The following HMCN1 variants were observed in gnomAD, a reference collection of about 807,000 sequenced individuals.
The protein encoded by HMCN1 is hemicentin 1.
HMCN1 carries 321 observed loss-of-function variants against 625.9 expected under a neutral mutation model. That is an observed-to-expected ratio of 0.51 (90% CI 0.47 to 0.56). The LOEUF is 0.56. Ranked by LOEUF, HMCN1 falls within the 20% of genes least tolerant of loss-of-function variation. The probability of loss-of-function intolerance (pLI) is 0.00; values close to 1 mark genes in which losing one functional copy is unlikely to be tolerated. For synonymous variants in HMCN1, 2,425 were observed against 2,417.6 expected (o/e 1.00, Z -0.09); for missense variants, 6,588 against 6,887.3 (o/e 0.96, Z 1.54).
chr1:186,185,474 T>C (rs1373820910), intron 105 of HMCN1, among the ~76,000 whole-genome samples: 1 of 152,212 alleles, frequency 6.6e-6, no homozygotes, highest in Non-Finnish European at 1.5e-5. Flanking sequence ...AGGCAAGACT[T>C]CACTGAAAAA....
Position 186,003,800 on chromosome 1 carries a change from C to A in HMCN1, c.4431C>A (p.Val1477=). The change falls in exon 29 of 107, where the codon GTC becomes GTA. Residue 1477 remains valine, a synonymous_variant. Coordinates refer to ENST00000271588, the MANE Select transcript of HMCN1 (RefSeq NM_031935.3). ...LNRDVALECQ[V]KGTPFPDIHW... Reference sequence around the variant, plus strand: ...GTGACGTCGCCCTTGAATGCCAGGTCAAAGGCACTCCCTTTCCTGATATTC... The same window carrying A: ...GTGACGTCGCCCTTGAATGCCAGGTAAAAGGCACTCCCTTTCCTGATATTC... 2 of 1,613,104 alleles carry A rather than the reference C, an allele frequency of 1.2e-6. No individual in the cohort carries two copies. The highest frequency in any genetic ancestry group is 1.7e-6 in the Non-Finnish European group (2 of 1,179,312).
Position 185,901,695 on chromosome 1 carries a change from A to G in HMCN1, c.622-7642A>G, listed in dbSNP as rs539340476. Among the ~76,000 whole-genome samples, 14 of 151,898 alleles carry G rather than the reference A, an allele frequency of 9.2e-5. No homozygotes were observed. The East Asian group carries it at 2.1e-3, about 23-fold the overall frequency. ...CCTCCAGAAGCCAATGGGTTAGTCA[A>G]TGATTCTTCCTCACTGACATTAAAA... On this transcript the variant is annotated intron_variant, in intron 4 of 106. Transcript: ENST00000271588.
intron 87 of HMCN1, 150 bp from the exon 88 acceptor site, chr1:186,137,348 G>C: frequency 3.1e-6 from 3 of 957,142 alleles, no homozygotes; most frequent in South Asian, 3.2e-5. Flanking sequence ...CTCTCTCTTG[G>C]ATTTTAATTT....
intron 65 of HMCN1, 74 bp from the exon 66 acceptor site, chr1:186,093,412 G>A: frequency 6.3e-7 from 1 of 1,585,442 alleles, no homozygotes. Flanking sequence ...GAGAGCAATT[G>A]TAGTAGAAAT....
intron 1 of HMCN1, among the ~76,000 whole-genome samples, chr1:185,752,724 G>C (rs1654893762): frequency 1.3e-5 from 2 of 152,070 alleles, no homozygotes; most frequent in Admixed American, 6.6e-5. Flanking sequence ...ACAGAAAACT[G>C]TAGGCCCAGA....
chr1:185,868,217 C>A (rs763277758), intron 4 of HMCN1, among the ~76,000 whole-genome samples: 8 of 152,008 alleles, frequency 5.3e-5, no homozygotes, highest in Non-Finnish European at 1.0e-4. Context: ...TCCACATACC[C>A]AAGGAAAATT....
rs1163822222 is a variant in HMCN1 at position 185,734,531 on chromosome 1, G to A, written c.-249G>A. The A allele has an allele frequency of 3.6e-5, 18 of 505,774 alleles. No homozygotes were observed. The highest frequency in any genetic ancestry group is 6.6e-5 in the Admixed American group (2 of 30,380). The allele number at this position is 505,774 out of a possible 1,614,324, so 31.3% of individuals were successfully genotyped here. A position where few individuals can be genotyped will look rare whatever the true frequency, so the allele number is the denominator to read the frequency against. ...CGCCACAGGCTGTCCAGGGCCCGCG[G>A]GCAGATAGCAGTCCAGGAGGAAGCC... is the stretch of plus-strand genomic sequence containing the variant. On this transcript the variant is annotated 5_prime_UTR_variant, in exon 1 of 107. Coordinates refer to ENST00000271588, the MANE Select transcript of HMCN1 (RefSeq NM_031935.3).
intron 77 of HMCN1, among the ~76,000 whole-genome samples, chr1:186,117,921 CCCG>C (rs2102482418): frequency 6.6e-6 from 1 of 152,174 alleles, no homozygotes; most frequent in Non-Finnish European, 1.5e-5. Context: ...TTAACAAATT[CCCG>C]AGTTACCTGT....
At chr1:186,061,748 G>A in intron 46 of HMCN1, 103 bp from the exon 47 acceptor site, 2 of 689,348 alleles carry the variant, frequency 2.9e-6, no homozygotes, top group East Asian at 2.7e-5. Flanking sequence ...GGCCTCTAAA[G>A]CATACTGATT....
chr1:186,040,420 A>G (rs900277292), intron 39 of HMCN1, among the ~76,000 whole-genome samples: 1 of 152,192 alleles, frequency 6.6e-6, no homozygotes, highest in African/African-American at 2.4e-5. Context: ...AAATGCGTAT[A>G]TACCTAATAT....
At chr1:185,954,160 A>C (rs956368902) in intron 11 of HMCN1, among the ~76,000 whole-genome samples, 1 of 152,202 alleles carries the variant, frequency 6.6e-6, no homozygotes, top group African/African-American at 2.4e-5. Context: ...ATCTGGGAGT[A>C]TATAAGTGCA....
chr1:186,114,620 A>G (rs1414823970), intron 73 of HMCN1, among the ~76,000 whole-genome samples, 199 bp from the exon 74 acceptor site: 1 of 152,196 alleles, frequency 6.6e-6, no homozygotes, highest in Admixed American at 6.5e-5. Context: ...ATTATAATCC[A>G]TTAAAGATCA....
At chr1:185,881,833 T>G (rs1664330354) in intron 4 of HMCN1, among the ~76,000 whole-genome samples, 2 of 152,210 alleles carry the variant, frequency 1.3e-5, no homozygotes, top group Admixed American at 1.3e-4. Context: ...AATAGCCAGT[T>G]TTTATAAAAT....
At chr1:185,824,822 G>GT (rs1660409774) in intron 1 of HMCN1, among the ~76,000 whole-genome samples, 2 of 152,000 alleles carry the variant, frequency 1.3e-5, no homozygotes, top group African/African-American at 4.8e-5. Context: ...ATAGCCTGTG[G>GT]TTTTTTCAAA....
chr1:185,993,924 A>C (rs1020560494), intron 23 of HMCN1, among the ~76,000 whole-genome samples: 4 of 151,996 alleles, frequency 2.6e-5, no homozygotes, highest in Non-Finnish European at 1.5e-5. Flanking sequence ...AATCACCACA[A>C]TTGTGTCCCC....
intron 72 of HMCN1, among the ~76,000 whole-genome samples, chr1:186,113,296 T>C (rs1420686740): frequency 1.3e-5 from 2 of 152,188 alleles, no homozygotes; most frequent in Non-Finnish European, 2.9e-5. Context: ...TTATTGATGG[T>C]GGCTTGAGAG....
At chr1:186,168,515 TGA>T (rs1652024383) in intron 100 of HMCN1, among the ~76,000 whole-genome samples, 2 of 146,962 alleles carry the variant, frequency 1.4e-5, no homozygotes, top group African/African-American at 5.2e-5. Context: ...TTGTAGATTT[TGA>T]GAGGTTAAAT....
intron 4 of HMCN1, among the ~76,000 whole-genome samples, chr1:185,900,457 C>A (rs191832182): frequency 3.3e-3 from 507 of 151,956 alleles, no homozygotes; most frequent in Middle Eastern, 6.8e-3. Flanking sequence ...GATTTTTGTG[C>A]GTGGTGCCAG....
intron 104 of HMCN1, among the ~76,000 whole-genome samples, chr1:186,179,904 A>G (rs191744254): frequency 3.9e-5 from 6 of 152,082 alleles, no homozygotes; most frequent in Admixed American, 2.6e-4. Context: ...CCCTCTGGAC[A>G]CTCAAACTTT....
Sources: gnomAD v4.1 joint callset for allele counts (sites outside exome capture counted in the v4.1 genomes callset) on GRCh38, gnomAD v4.1.1 for gene constraint, MANE v1.5 for transcripts, NCBI Gene and HGNC (gene_info 2026-07-23, HGNC 2026-07-21) for gene names.